Variants in PLCL2 observed in about 807,000 individuals in gnomAD.
PLCL2 encodes the protein inactive phospholipase C-like protein 2.
In PLCL2, 4 loss-of-function variants were observed where a neutral mutation model predicts 79.6. That is an observed-to-expected ratio of 0.05 (90% CI 0.02 to 0.11). The LOEUF (loss-of-function observed/expected upper bound fraction) is 0.11, where lower values mean the gene tolerates loss of function less well. Ranked by LOEUF, PLCL2 falls within the 10% of genes least tolerant of loss-of-function variation. PLCL2 has a pLI of 1.00. For missense variants in PLCL2, 895 were observed against 1,291.0 expected (o/e 0.69, Z 4.70); for synonymous variants, 484 against 457.7 (o/e 1.06, Z -0.73).
intron 1 of PLCL2, among the ~76,000 whole-genome samples, chr3:16,981,468 G>A (rs930351415): frequency 3.3e-5 from 5 of 152,162 alleles, no homozygotes; most frequent in Non-Finnish European, 7.3e-5. Context: ...TAATGTCAGT[G>A]TTAACGGGGC....
At chr3:16,913,767 G>A (rs1372072) in intron 1 of PLCL2, among the ~76,000 whole-genome samples, 52,852 of 151,804 alleles carry the variant, frequency 0.35, 9,431 homozygotes, top group East Asian at 0.54. Flanking sequence ...TTGCTAAAAA[G>A]ATCTTCATAA....
intron 2 of PLCL2, among the ~76,000 whole-genome samples, chr3:17,013,597 A>G (rs896408524): frequency 3.9e-5 from 6 of 152,236 alleles, no homozygotes; most frequent in Non-Finnish European, 7.3e-5. Context: ...TTTGATGTCC[A>G]TATTTAAAGC....
chr3:16,992,535 G>C (rs999469967), intron 1 of PLCL2, among the ~76,000 whole-genome samples: 1 of 152,230 alleles, frequency 6.6e-6, no homozygotes, highest in Non-Finnish European at 1.5e-5. Flanking sequence ...GTGTGGGAGA[G>C]GCAAGAGCTG....
At chr3:17,025,781 A>T (rs1200949961) in intron 3 of PLCL2, among the ~76,000 whole-genome samples, 1 of 152,174 alleles carries the variant, frequency 6.6e-6, no homozygotes, top group African/African-American at 2.4e-5. Context: ...GTATTTCTAT[A>T]AATAAAGTTT....
chr3:16,992,170 A>T (rs962897216), intron 1 of PLCL2, among the ~76,000 whole-genome samples: 2 of 152,204 alleles, frequency 1.3e-5, no homozygotes, highest in African/African-American at 2.4e-5. Context: ...ATACACATGC[A>T]TATGAACAGG....
chr3:16,931,997 A>G (rs1697411203), intron 1 of PLCL2, among the ~76,000 whole-genome samples: 1 of 152,142 alleles, frequency 6.6e-6, no homozygotes, highest in Non-Finnish European at 1.5e-5. Context: ...TGCCATGTGA[A>G]GATATAAGGA....
intron 4 of PLCL2, among the ~76,000 whole-genome samples, chr3:17,067,201 C>CA (rs1444235849): frequency 6.6e-6 from 1 of 151,508 alleles, no homozygotes; most frequent in Non-Finnish European, 1.5e-5. Context: ...CTCTTAAGGA[C>CA]AAAAAAATGC....
intron 2 of PLCL2, among the ~76,000 whole-genome samples, chr3:17,013,257 T>G (rs1478879957): frequency 6.6e-6 from 1 of 152,212 alleles, no homozygotes; most frequent in Non-Finnish European, 1.5e-5. Flanking sequence ...AAGCATTGTC[T>G]TTTCCAAAGC....
At chr3:16,893,789 A>G (rs1389069037) in intron 1 of PLCL2, among the ~76,000 whole-genome samples, 1 of 152,242 alleles carries the variant, frequency 6.6e-6, no homozygotes, top group Non-Finnish European at 1.5e-5. Flanking sequence ...AGATAGCTGC[A>G]TGTGTACACA....
intron 1 of PLCL2, among the ~76,000 whole-genome samples, chr3:16,966,091 G>A (rs573021875): frequency 5.5e-4 from 84 of 151,936 alleles, no homozygotes; most frequent in African/African-American, 1.7e-3. Context: ...TCCCTGTCTT[G>A]TGCCAGTTTT....
rs202221751 is a variant in PLCL2 at position 17,012,077 on chromosome 3, C to T, written c.2731C>T (p.Leu911=). 1 of 1,614,148 alleles carries T rather than the reference C, an allele frequency of 6.2e-7. No individual in the cohort carries two copies. Among genetic ancestry groups the T allele is most frequent in the East Asian group, 2.2e-5 (1 of 44,888 alleles). Residue 911 remains leucine (L), a synonymous_variant, in exon 2 of 6, where the codon CTG becomes TTG. Transcript: ENST00000615277. ...CAGGGAATATGCATCTTTGAGAACA[C>T]TGTGGATTAAAACCGTGGATGAGGT... The part of the protein sequence containing the change: ...KSREYASLRT[L]WIKTVDEVFK...
At chr3:16,892,957 A>AT (rs1184555657) in intron 1 of PLCL2, among the ~76,000 whole-genome samples, 1 of 152,074 alleles carries the variant, frequency 6.6e-6, no homozygotes, top group African/African-American at 2.4e-5. Flanking sequence ...GATGACTTTG[A>AT]TTTTTTCTTT....
At chr3:16,897,019 C>A (rs1349238501) in intron 1 of PLCL2, among the ~76,000 whole-genome samples, 1 of 152,036 alleles carries the variant, frequency 6.6e-6, no homozygotes, top group Non-Finnish European at 1.5e-5. Context: ...CCCTGTGTAG[C>A]TCTGTTAGAT....
chr3:17,012,118 G>T lies in PLCL2; in HGVS notation c.2772G>T (p.Gln924His). 1 of 1,614,118 alleles carries T rather than the reference G, an allele frequency of 6.2e-7. No homozygotes were observed. The highest frequency in any genetic ancestry group is 1.7e-5 in the Admixed American group (1 of 60,016). Residue 924 changes from glutamine (Q) to histidine (H), a missense_variant, in exon 2 of 6, where the codon CAG becomes CAT. This residue lies in a region of PLCL2 where 298 missense variants were observed against 459.6 expected (regional missense o/e 0.65). Transcript: ENST00000615277. ...KTVDEVFKNA[Q>H]PPIRDATDLR... ...TGGATGAGGTATTCAAGAATGCCCA[G>T]CCCCCTATACGGGATGCCACAGATC... is the stretch of plus-strand genomic sequence containing the variant.
At chr3:17,087,197 T>G (rs1210615189) in intron 5 of PLCL2, among the ~76,000 whole-genome samples, 4 of 152,168 alleles carry the variant, frequency 2.6e-5, no homozygotes, top group Non-Finnish European at 4.4e-5. Context: ...AACACAAAAA[T>G]CTGCATACAG....
At chr3:16,893,922 A>C (rs1696410119) in intron 1 of PLCL2, among the ~76,000 whole-genome samples, 1 of 152,158 alleles carries the variant, frequency 6.6e-6, no homozygotes, top group African/African-American at 2.4e-5. Flanking sequence ...AGACTGATGG[A>C]CTGATGGGTA....
intron 5 of PLCL2, among the ~76,000 whole-genome samples, chr3:17,070,346 T>A (rs1021358871): frequency 1.3e-5 from 2 of 152,204 alleles, no homozygotes; most frequent in Middle Eastern, 3.2e-3. Flanking sequence ...CATAAAGCAG[T>A]GTGCCATATT....
intron 5 of PLCL2, among the ~76,000 whole-genome samples, chr3:17,084,551 C>A (rs1283002530): frequency 6.6e-6 from 1 of 152,066 alleles, no homozygotes; most frequent in African/African-American, 2.4e-5. Flanking sequence ...CAATTAAAAT[C>A]CAAAAATGAA....
intron 4 of PLCL2, among the ~76,000 whole-genome samples, chr3:17,058,969 A>C (rs1300438827): frequency 6.6e-6 from 1 of 152,202 alleles, no homozygotes; most frequent in Non-Finnish European, 1.5e-5. Flanking sequence ...GAGGGCATGT[A>C]AATTGGGTCC....
Sources: allele counts gnomAD v4.1 joint callset (sites outside exome capture counted in the v4.1 genomes callset), GRCh38; gene constraint gnomAD v4.1.1; regional missense constraint gnomAD v4.1.1; transcripts MANE v1.5; gene names NCBI Gene and HGNC (gene_info 2026-07-23, HGNC 2026-07-21).